CIB4: variants seen among roughly 807,000 people sequenced by gnomAD.
CIB4 encodes calcium and integrin-binding family member 4.
Under a neutral mutation model 25.8 loss-of-function variants are expected in CIB4, and 25 were observed. The observed-to-expected ratio is 0.97, with a 90% CI of 0.71 to 1.35. The LOEUF is 1.35. Ranked by LOEUF, CIB4 falls within the 40% of genes most tolerant of loss-of-function variation. The pLI, the probability that CIB4 is intolerant of heterozygous loss-of-function variation, is 0.00. For synonymous variants in CIB4, 75 were observed against 81.4 expected, an observed-to-expected ratio of 0.92 and a Z score of 0.42; for missense variants, 235 against 228.2, an observed-to-expected ratio of 1.03 and a Z score of -0.19.
At position 26,589,281 on chromosome 2, in the gene CIB4, TTCC is replaced by T. The variant is rs966342991; in HGVS notation, c.329-5386_329-5384del. On this transcript the variant is annotated intron_variant, in intron 4 of 6. Coordinates refer to ENST00000288861, the MANE Select transcript of CIB4 (RefSeq NM_001029881.3). Reference sequence around the variant, plus strand: ...TATTCTCCTTCCTCCTCCTCCTTCTTTCCTCCTCCTCCTCCTCTCCTTCTCCTT... The same window carrying T: ...TATTCTCCTTCCTCCTCCTCCTTCTTTCCTCCTCCTCCTCTCCTTCTCCTT... Among the ~76,000 whole-genome samples, 6 of 148,864 alleles carry T rather than the reference TTCC, an allele frequency of 4.0e-5. No individual in the cohort carries two copies. The South Asian group carries it at 1.3e-3, about 32-fold the overall frequency.
chr2:26,593,657 A>C (rs564038835), intron 4 of CIB4, among the ~76,000 whole-genome samples: 1 of 152,170 alleles, frequency 6.6e-6, no homozygotes, highest in Admixed American at 6.5e-5. Context: ...AGCTTCTTGG[A>C]TATTATAAAT....
intron 3 of CIB4, chr2:26,623,531 A>T (rs867609502): frequency 6.4e-6 from 3 of 471,616 alleles, no homozygotes; most frequent in Middle Eastern, 3.2e-4. Context: ...AGCAGGACTC[A>T]GAAAGGCTCG....
At position 26,624,854 on chromosome 2, in the gene CIB4, AT is replaced by A. The variant is rs879498968; in HGVS notation, c.186+4555del. Among the ~76,000 whole-genome samples, 171 of 150,556 alleles carry A rather than the reference AT, an allele frequency of 1.1e-3. 1 individual carries two copies. Among genetic ancestry groups the A allele is most frequent in the East Asian group, 5.0e-3 (26 of 5,154 alleles). On this transcript the variant is annotated intron_variant, in intron 3 of 6. Coordinates refer to ENST00000288861, the MANE Select transcript of CIB4 (RefSeq NM_001029881.3). ...GGTATTATGGTGTATATATATATAT[AT>A]TTTTTTTATATAGGCATTATAGTCA...
chr2:26,620,962 CA>C (rs1669193773), intron 3 of CIB4, among the ~76,000 whole-genome samples: 1 of 150,478 alleles, frequency 6.6e-6, no homozygotes, highest in Non-Finnish European at 1.5e-5. Flanking sequence ...GAAAGAAGAG[CA>C]AAAAGGCAAA....
intron 3 of CIB4, among the ~76,000 whole-genome samples, chr2:26,608,183 T>G (rs1365649114): frequency 6.8e-6 from 1 of 146,606 alleles, no homozygotes; most frequent in African/African-American, 2.6e-5. Context: ...AAGGTTGCAG[T>G]GAGCTGAGAT....
rs771997605 is a variant in CIB4 at position 26,595,126 on chromosome 2, T to C, written c.328+50A>G. The C allele has an allele frequency of 4.3e-5, 67 of 1,560,100 alleles. No homozygotes were observed. The Admixed American group carries it at 1.1e-3, about 26-fold the overall frequency. On this transcript the variant is annotated intron_variant, in intron 4 of 6. Transcript: ENST00000288861. ...GATGATGGAGTCCAGATACGGTATG[T>C]TCTCTATGGCCTTTCCACCCCTCAC...
chr2:26,599,867 G>C (rs1002855427), intron 3 of CIB4, among the ~76,000 whole-genome samples: 1 of 151,982 alleles, frequency 6.6e-6, no homozygotes, highest in Non-Finnish European at 1.5e-5. Flanking sequence ...GAGGTCAGGA[G>C]ATCAAGACCA....
intron 4 of CIB4, among the ~76,000 whole-genome samples, chr2:26,586,159 G>T (rs771946424): frequency 6.6e-5 from 10 of 152,234 alleles, no homozygotes; most frequent in Non-Finnish European, 1.2e-4. Context: ...ACAGCAGCCC[G>T]GGTGATCTGT....
chr2:26,622,749 G>C (rs559573675), intron 3 of CIB4, among the ~76,000 whole-genome samples: 1 of 152,184 alleles, frequency 6.6e-6, no homozygotes, highest in Admixed American at 6.5e-5. Context: ...TTGGGAGGCC[G>C]AGGTGGGCAG....
At chr2:26,609,174 G>C (rs1223952995) in intron 3 of CIB4, among the ~76,000 whole-genome samples, 2 of 152,214 alleles carry the variant, frequency 1.3e-5, no homozygotes, top group Non-Finnish European at 2.9e-5. Context: ...CTGGTGTGGG[G>C]GAAGGTGAGT....
intron 3 of CIB4, among the ~76,000 whole-genome samples, chr2:26,600,247 AT>A (rs111254082): frequency 0.055 from 7,350 of 133,618 alleles, 192 homozygotes; most frequent in Middle Eastern, 0.1. Flanking sequence ...CTACTAAAAA[AT>A]ACAAAAATTA....
chr2:26,594,007 C>T (rs1424783719), intron 4 of CIB4, among the ~76,000 whole-genome samples: 1 of 152,182 alleles, frequency 6.6e-6, no homozygotes, highest in Non-Finnish European at 1.5e-5. Flanking sequence ...TTTCCATCAG[C>T]CTGCCTGAGT....
chr2:26,622,122 A>G (rs911520819), intron 3 of CIB4, among the ~76,000 whole-genome samples: 2 of 152,178 alleles, frequency 1.3e-5, no homozygotes, highest in Non-Finnish European at 1.5e-5. Flanking sequence ...GCATTTTGGG[A>G]GGCCGAGGCG....
intron 3 of CIB4, among the ~76,000 whole-genome samples, chr2:26,599,590 T>C (rs1218639135): frequency 6.6e-6 from 1 of 152,202 alleles, no homozygotes; most frequent in Non-Finnish European, 1.5e-5. Context: ...GATGATGTCA[T>C]TGATGCACTT....
At chr2:26,611,301 T>C (rs1224772032) in intron 3 of CIB4, among the ~76,000 whole-genome samples, 2 of 152,182 alleles carry the variant, frequency 1.3e-5, no homozygotes, top group Non-Finnish European at 2.9e-5. Context: ...CATAATACTG[T>C]CCGTGGGAGG....
At chr2:26,588,622 G>T (rs568470509) in intron 4 of CIB4, among the ~76,000 whole-genome samples, 2 of 152,222 alleles carry the variant, frequency 1.3e-5, no homozygotes, top group Non-Finnish European at 2.9e-5. Context: ...GGTGGAGGGA[G>T]GGCTCCTTTC....
intron 4 of CIB4, among the ~76,000 whole-genome samples, chr2:26,589,496 A>G (rs551072698): frequency 1.3e-5 from 2 of 151,988 alleles, no homozygotes; most frequent in East Asian, 1.9e-4. Context: ...TAGTTTTTGT[A>G]TTTTTAGTAG....
chr2:26,616,486 G>A lies in CIB4; in HGVS notation c.186+12924C>T, dbSNP rs73920308. Among the ~76,000 whole-genome samples, 999 of 152,314 alleles carry A rather than the reference G, an allele frequency of 6.6e-3. 7 individuals carry two copies. The highest frequency in any genetic ancestry group is 0.022 in the African/African-American group (922 of 41,584). On this transcript the variant is annotated intron_variant, in intron 3 of 6. Coordinates refer to ENST00000288861, the MANE Select transcript of CIB4 (RefSeq NM_001029881.3). ...AGTGGAAGATTTGTCCCGCTGGGGC[G>A]TCTGGGCACTAAAGGTGGGGCCTGG... is the stretch of plus-strand genomic sequence containing the variant.
intron 4 of CIB4, among the ~76,000 whole-genome samples, chr2:26,591,924 G>C (rs561076085): frequency 6.6e-6 from 1 of 152,364 alleles, no homozygotes; most frequent in South Asian, 2.1e-4. Flanking sequence ...CTCATGAGCA[G>C]ATTCCCCCAG....
Sources: gnomAD v4.1 joint callset for allele counts (sites outside exome capture counted in the v4.1 genomes callset) on GRCh38, gnomAD v4.1.1 for gene constraint, MANE v1.5 for transcripts, NCBI Gene and HGNC (gene_info 2026-07-23, HGNC 2026-07-21) for gene names.